MECOM: variants seen among roughly 807,000 people sequenced by gnomAD.
MECOM encodes histone-lysine N-methyltransferase MECOM.
A neutral mutation model predicts 116.3 loss-of-function variants in MECOM; 13 were observed. The ratio of observed to expected loss-of-function variants is 0.11; its 90% CI spans 0.07 to 0.18. The LOEUF is 0.18. Ranked by LOEUF, MECOM falls within the 10% of genes least tolerant of loss-of-function variation. The pLI, the probability that MECOM is intolerant of heterozygous loss-of-function variation, is 1.00. For missense variants in MECOM, 1,299 were observed against 1,509.0 expected (o/e 0.86, Z 2.31); for synonymous variants, 528 against 535.2 (o/e 0.99, Z 0.19).
chr3:169,296,491 C>T (rs1233108378), intron 2 of MECOM, among the ~76,000 whole-genome samples: 1 of 152,146 alleles, frequency 6.6e-6, no homozygotes. Flanking sequence ...AGATTACATC[C>T]ACACAAGTTC....
chr3:169,433,693 A>AAG (rs1400584637), intron 1 of MECOM, among the ~76,000 whole-genome samples: 1,593 of 136,432 alleles, frequency 0.012, 12 homozygotes, highest in East Asian at 0.018. Flanking sequence ...AAGAAAGAGA[A>AAG]AGAAAGAAAA....
intron 12 of MECOM, among the ~76,000 whole-genome samples, chr3:169,099,362 C>A (rs546507139): frequency 6.6e-6 from 1 of 152,078 alleles, no homozygotes; most frequent in African/African-American, 2.4e-5. Flanking sequence ...AGCAGAATTT[C>A]TGGTAATATA....
rs16853971 is a variant in MECOM at position 169,529,442 on chromosome 3, T to G, written c.37+133894A>C. ...ATGGTATCTCCACATTTGAAACAAC[T>G]CTCCCGTTTAGCTTGCTAACAATTG... On this transcript the variant is annotated intron_variant, in intron 1 of 16. Coordinates refer to ENST00000651503, the MANE Select transcript of MECOM (RefSeq NM_004991.4). Among the ~76,000 whole-genome samples, 2,417 of 152,222 alleles carry G rather than the reference T, an allele frequency of 0.016. 231 individuals carry two copies. In the East Asian group the frequency reaches 0.3, roughly 19 times the overall value.
At chr3:169,339,273 G>T (rs1160356071) in intron 2 of MECOM, among the ~76,000 whole-genome samples, 2 of 152,184 alleles carry the variant, frequency 1.3e-5, no homozygotes, top group African/African-American at 4.8e-5. Flanking sequence ...CAAAAATGTG[G>T]TCATTTGGGA....
intron 10 of MECOM, among the ~76,000 whole-genome samples, chr3:169,107,257 G>GT (rs1391598199): frequency 1.3e-5 from 2 of 152,056 alleles, no homozygotes; most frequent in Non-Finnish European, 2.9e-5. Context: ...TTATTTGGGG[G>GT]TAAAAACTAA....
At chr3:169,468,295 A>G (rs1560311548) in intron 1 of MECOM, among the ~76,000 whole-genome samples, 1 of 151,968 alleles carries the variant, frequency 6.6e-6, no homozygotes, top group Non-Finnish European at 1.5e-5. Flanking sequence ...TCCCTTATAC[A>G]AGTTATTTTT....
intron 2 of MECOM, among the ~76,000 whole-genome samples, chr3:169,237,610 CAAAAAAA>C (rs775383808): frequency 7.4e-5 from 6 of 80,644 alleles, no homozygotes; most frequent in African/African-American, 2.3e-4. Context: ...GTCTCCATCA[CAAAAAAA>C]AAAAAAAAAA....
chr3:169,139,535 T>C (rs1227263238), intron 3 of MECOM, among the ~76,000 whole-genome samples: 2 of 152,116 alleles, frequency 1.3e-5, no homozygotes, highest in Non-Finnish European at 2.9e-5. Flanking sequence ...TTACATAAAT[T>C]GTATTAATTG....
At chr3:169,107,847 T>C in intron 10 of MECOM, 79 bp downstream of exon 10, 1 of 1,199,082 alleles carries the variant, frequency 8.3e-7, no homozygotes, top group Non-Finnish European at 1.2e-6. Flanking sequence ...TATTTATGTC[T>C]GTACAGCAAT....
At chr3:169,651,785 GA>G (rs138867697) in intron 1 of MECOM, among the ~76,000 whole-genome samples, 4 of 151,162 alleles carry the variant, frequency 2.6e-5, no homozygotes, top group African/African-American at 9.7e-5. Flanking sequence ...CTACGAAGAA[GA>G]AAAAAAAGAA....
chr3:169,338,343 C>A (rs1723918979), intron 2 of MECOM, among the ~76,000 whole-genome samples: 1 of 152,126 alleles, frequency 6.6e-6, no homozygotes, highest in Non-Finnish European at 1.5e-5. Context: ...TAATAATTAT[C>A]ACCCTGTATC....
At chr3:169,602,999 C>A (rs1023085448) in intron 1 of MECOM, among the ~76,000 whole-genome samples, 1 of 152,130 alleles carries the variant, frequency 6.6e-6, no homozygotes, top group Non-Finnish European at 1.5e-5. Context: ...CACATACACA[C>A]ATATTTAACT....
intron 1 of MECOM, among the ~76,000 whole-genome samples, chr3:169,549,236 T>G (rs1446054366): frequency 6.6e-6 from 1 of 152,096 alleles, no homozygotes; most frequent in Non-Finnish European, 1.5e-5. Flanking sequence ...CCTCCCAAAG[T>G]GCTGGGATTA....
chr3:169,568,702 A>G (rs895127769), intron 1 of MECOM, among the ~76,000 whole-genome samples: 4 of 152,236 alleles, frequency 2.6e-5, no homozygotes, highest in African/African-American at 9.7e-5. Context: ...TCTCTGAAAT[A>G]AAAGCAGCAG....
At chr3:169,374,517 G>A (rs1223124668) in intron 2 of MECOM, among the ~76,000 whole-genome samples, 1 of 151,896 alleles carries the variant, frequency 6.6e-6, no homozygotes, top group African/African-American at 2.4e-5. Context: ...CTCTTGCTTT[G>A]TTAGGGAAGC....
intron 2 of MECOM, among the ~76,000 whole-genome samples, chr3:169,172,798 G>A (rs55886079): frequency 0.08 from 12,150 of 152,092 alleles, 598 homozygotes; most frequent in South Asian, 0.24. Flanking sequence ...ACAGCTAACC[G>A]GCAGCAAGCC....
At chr3:169,166,303 G>A (rs572209667) in intron 2 of MECOM, among the ~76,000 whole-genome samples, 21 of 152,102 alleles carry the variant, frequency 1.4e-4, no homozygotes, top group Non-Finnish European at 2.5e-4. Context: ...CGGGGAGTGC[G>A]TTGCTTATTT....
At chr3:169,236,337 A>G (rs1400521379) in intron 2 of MECOM, among the ~76,000 whole-genome samples, 2 of 152,162 alleles carry the variant, frequency 1.3e-5, no homozygotes, top group Non-Finnish European at 2.9e-5. Context: ...TCAAAAAGCA[A>G]CTCTTTCTCA....
chr3:169,146,024 C>G (rs1739791677), intron 2 of MECOM: 2 of 228,894 alleles, frequency 8.7e-6, no homozygotes, highest in African/African-American at 4.5e-5. Context: ...CTGCATTTGT[C>G]TCCCAAATGT....
Sources: allele counts gnomAD v4.1 joint callset (sites outside exome capture counted in the v4.1 genomes callset), GRCh38; gene constraint gnomAD v4.1.1; transcripts MANE v1.5; gene names NCBI Gene and HGNC (gene_info 2026-07-23, HGNC 2026-07-21).